Variants in RPA3 observed in about 807,000 individuals in gnomAD.
The protein encoded by RPA3 is replication protein A 14 kDa subunit.
In RPA3, 24 loss-of-function variants were observed where a neutral mutation model predicts 13.7. The ratio of observed to expected loss-of-function variants is 1.75; its 90% CI spans 1.27 to 2.46. The LOEUF (loss-of-function observed/expected upper bound fraction) is 2.46, where lower values mean the gene tolerates loss of function less well. RPA3 is among the 30% of genes most tolerant of loss of function. The pLI is 0.00. For missense variants in RPA3, 183 were observed against 151.0 expected (o/e 1.21, Z -1.11); for synonymous variants, 59 against 51.2 (o/e 1.15, Z -0.65).
chr7:7,666,657 G>A (rs1374948333), intron 4 of RPA3, among the ~76,000 whole-genome samples: 1 of 151,938 alleles, frequency 6.6e-6, no homozygotes, highest in African/African-American at 2.4e-5. Flanking sequence ...TGAAGTGGCT[G>A]TTCATATTTT....
In RPA3 at chr7:7,718,600, A is replaced by C. The variant is rs1358705282; in HGVS notation, c.-1165T>G. On this transcript the variant is annotated 5_prime_UTR_variant, in exon 1 of 8. Transcript: ENST00000223129. ...ATGTCCTCTTGGAGCCTCTTATCTG[A>C]GTAGCTTCTGTGGATCTGATGATGC... The C allele has an allele frequency of 6.6e-6, 1 of 152,180 alleles. No individual in the cohort carries two copies. Among genetic ancestry groups the C allele is most frequent in the Non-Finnish European group, 1.5e-5 (1 of 67,998 alleles). The allele number at this position is 152,180 out of a possible 1,614,324, so 9.4% of individuals were successfully genotyped here. A position where few individuals can be genotyped will look rare whatever the true frequency, so the allele number is the denominator to read the frequency against.
chr7:7,639,830 G>A (rs1032902934), intron 5 of RPA3: 11 of 167,244 alleles, frequency 6.6e-5, no homozygotes, highest in Non-Finnish European at 1.4e-4. Flanking sequence ...TAGAATGAGG[G>A]AACTTCACTT....
Position 7,637,162 on chromosome 7 carries a change from A to T in RPA3, c.284-80T>A, listed in dbSNP as rs1784879286. On this transcript the variant is annotated intron_variant, in intron 7 of 7. Transcript: ENST00000223129. Reference sequence around the variant, plus strand: ...ATTATTATCTAAGATATTTTTACCTATTTCCTTTTTCTCACCCTTTTGGAA... The same window carrying T: ...ATTATTATCTAAGATATTTTTACCTTTTTCCTTTTTCTCACCCTTTTGGAA... 2.8e-6 allele frequency: 3 copies of T among 1,052,640 alleles called. No individual in the cohort carries two copies. In the South Asian group the frequency reaches 3.9e-5, roughly 14 times the overall value. 65.2% of individuals were successfully genotyped at this position (1,052,640 alleles called of 1,614,324 possible).
At chr7:7,637,616 T>A (rs1347778157) in intron 7 of RPA3, among the ~76,000 whole-genome samples, 25 of 151,214 alleles carry the variant, frequency 1.7e-4, no homozygotes, top group Middle Eastern at 3.5e-3. Flanking sequence ...TTGTATGTAA[T>A]ACATACAATT....
intron 4 of RPA3, among the ~76,000 whole-genome samples, chr7:7,645,262 A>C (rs973671541): frequency 6.6e-6 from 1 of 152,128 alleles, no homozygotes; most frequent in Non-Finnish European, 1.5e-5. Context: ...TTTTGAATAG[A>C]AATAGTGTTT....
At chr7:7,642,122 C>T (rs372998823) in intron 4 of RPA3, among the ~76,000 whole-genome samples, 4 of 152,064 alleles carry the variant, frequency 2.6e-5, no homozygotes, top group African/African-American at 9.7e-5. Context: ...GGAGAGTACA[C>T]ACATCAATGT....
intron 2 of RPA3, among the ~76,000 whole-genome samples, chr7:7,687,827 G>T (rs1205279880): frequency 6.6e-6 from 1 of 152,126 alleles, no homozygotes; most frequent in Admixed American, 6.5e-5. Flanking sequence ...AGGAGTAATT[G>T]CTCTGAAAAT....
At chr7:7,685,400 C>G (rs1437697737) in intron 4 of RPA3, among the ~76,000 whole-genome samples, 2 of 151,382 alleles carry the variant, frequency 1.3e-5, no homozygotes, top group Non-Finnish European at 2.9e-5. Flanking sequence ...ACCTCTGCCT[C>G]ATGGGTTCAA....
chr7:7,641,557 G>C (rs1784974919), intron 4 of RPA3: 1 of 152,228 alleles, frequency 6.6e-6, no homozygotes, highest in South Asian at 2.1e-4. Flanking sequence ...GCGAGACTCT[G>C]GAGGGCGATC....
chr7:7,658,037 A>G (rs1354379134), intron 4 of RPA3, among the ~76,000 whole-genome samples: 1 of 151,942 alleles, frequency 6.6e-6, no homozygotes, highest in African/African-American at 2.4e-5. Context: ...TGTCCCTTGT[A>G]AGTTGGATTC....
At chr7:7,661,799 A>T (rs1785481443) in intron 4 of RPA3, among the ~76,000 whole-genome samples, 1 of 152,112 alleles carries the variant, frequency 6.6e-6, no homozygotes, top group African/African-American at 2.4e-5. Flanking sequence ...GACCCACTTG[A>T]GGAGGCAGTC....
At chr7:7,675,149 G>A (rs1002903040) in intron 4 of RPA3, among the ~76,000 whole-genome samples, 2 of 152,166 alleles carry the variant, frequency 1.3e-5, no homozygotes, top group African/African-American at 4.8e-5. Flanking sequence ...ACAGGCATGA[G>A]CCACCACGTC....
At chr7:7,644,352 T>A (rs1785047302) in intron 4 of RPA3, among the ~76,000 whole-genome samples, 1 of 132,236 alleles carries the variant, frequency 7.6e-6, no homozygotes, top group South Asian at 2.2e-4. Context: ...CTTCATTCCA[T>A]CCTTTTTTTT....
intron 4 of RPA3, among the ~76,000 whole-genome samples, chr7:7,661,765 C>T (rs183625930): frequency 6.6e-6 from 1 of 152,308 alleles, no homozygotes; most frequent in Non-Finnish European, 1.5e-5. Flanking sequence ...AGGTGTCTCC[C>T]AGTCAGGAGA....
At chr7:7,649,175 A>AAAAAG (rs1554308884) in intron 4 of RPA3, among the ~76,000 whole-genome samples, 4,568 of 103,604 alleles carry the variant, frequency 0.044, 174 homozygotes, top group East Asian at 0.085. Flanking sequence ...AAAAAAAAAA[A>AAAAAG]AAAAGAAAAG....
intron 4 of RPA3, among the ~76,000 whole-genome samples, chr7:7,664,469 G>A (rs12702633): frequency 3.3e-5 from 5 of 152,010 alleles, no homozygotes; most frequent in African/African-American, 9.7e-5. Flanking sequence ...CTTTCCTGAC[G>A]CTTACAACTC....
At chr7:7,682,131 G>T (rs367848789) in intron 4 of RPA3, among the ~76,000 whole-genome samples, 83 of 152,252 alleles carry the variant, frequency 5.5e-4, no homozygotes, top group African/African-American at 1.9e-3. Flanking sequence ...ATGCATCATG[G>T]TTTTCAGAAT....
intron 4 of RPA3, among the ~76,000 whole-genome samples, chr7:7,683,733 C>T (rs1779969853): frequency 6.6e-6 from 1 of 152,010 alleles, no homozygotes; most frequent in Non-Finnish European, 1.5e-5. Context: ...AGTGATTCTC[C>T]TGCCTCAGCC....
At position 7,702,348 on chromosome 7, in the gene RPA3, A is replaced by G. The variant is rs1780480851; in HGVS notation, c.-1028+12827T>C. Among the ~76,000 whole-genome samples, 3 of 152,316 alleles carry G rather than the reference A, an allele frequency of 2.0e-5. No homozygotes were observed. In the South Asian group the frequency reaches 6.2e-4, roughly 32 times the overall value. On this transcript the variant is annotated intron_variant, in intron 2 of 7. Coordinates refer to ENST00000223129, the MANE Select transcript of RPA3 (RefSeq NM_002947.5). ...GACTTTTAAGGAAAGATGAGACTAT[A>G]TTCAGTGCAGTTTTAATATGACATA... is the stretch of plus-strand genomic sequence containing the variant.
Sources: allele counts gnomAD v4.1 joint callset (sites outside exome capture counted in the v4.1 genomes callset), GRCh38; gene constraint gnomAD v4.1.1; transcripts MANE v1.5; gene names NCBI Gene and HGNC (gene_info 2026-07-23, HGNC 2026-07-21).